The following SNX13 variants were observed in gnomAD, a reference collection of about 807,000 sequenced individuals.
SNX13 encodes the protein sorting nexin-13.
SNX13 carries 45 observed loss-of-function variants against 133.6 expected under a neutral mutation model. The ratio of observed to expected loss-of-function variants is 0.34; its 90% CI spans 0.27 to 0.43. The LOEUF (loss-of-function observed/expected upper bound fraction) is 0.43, where lower values mean the gene tolerates loss of function less well. Ranked by LOEUF, SNX13 falls within the 20% of genes least tolerant of loss-of-function variation. The probability of loss-of-function intolerance (pLI) is 1.00; values close to 1 mark genes in which losing one functional copy is unlikely to be tolerated. For missense variants in SNX13, 1,032 were observed against 1,145.1 expected, an observed-to-expected ratio of 0.90 and a Z score of 1.43; for synonymous variants, 414 against 373.9, an observed-to-expected ratio of 1.11 and a Z score of -1.24.
At position 17,851,063 on chromosome 7, in the gene SNX13, C is replaced by T. The variant is rs1238059659; in HGVS notation, c.838-99G>A. On this transcript the variant is annotated intron_variant, in intron 9 of 25. Coordinates refer to ENST00000428135, the MANE Select transcript of SNX13 (RefSeq NM_015132.5). The stretch of plus-strand genomic sequence containing the variant: ...TACTATGTGCTAGGACAATTTGCTA[C>T]ATACTCAGTGCTTACAACAAAAAGA... 13 of 1,238,082 alleles carry T rather than the reference C, an allele frequency of 1.1e-5. 1 individual carries two copies. In the East Asian group the frequency reaches 3.1e-4, roughly 30 times the overall value. The allele number at this position is 1,238,082 out of a possible 1,614,324, so 76.7% of individuals were successfully genotyped here.
intron 1 of SNX13, among the ~76,000 whole-genome samples, chr7:17,916,751 C>A (rs947057341): frequency 1.3e-5 from 2 of 151,452 alleles, no homozygotes; most frequent in East Asian, 1.9e-4. Flanking sequence ...GAGTTAGTAA[C>A]AATCCTACTG....
At chr7:17,805,726 T>C (rs1275871569) in intron 20 of SNX13, among the ~76,000 whole-genome samples, 9 of 152,198 alleles carry the variant, frequency 5.9e-5, no homozygotes, top group East Asian at 3.8e-4. Context: ...TATACTACCA[T>C]TGATACTCTA....
intron 9 of SNX13, among the ~76,000 whole-genome samples, chr7:17,861,041 G>C (rs750869177): frequency 4.6e-5 from 7 of 151,692 alleles, no homozygotes; most frequent in African/African-American, 1.7e-4. Context: ...TTTGTGATGG[G>C]GTCTTGCTCT....
intron 9 of SNX13, among the ~76,000 whole-genome samples, chr7:17,864,842 GAGGAGC>G (rs1462335983): frequency 6.6e-6 from 1 of 151,816 alleles, no homozygotes; most frequent in Non-Finnish European, 1.5e-5. Context: ...GGAGGAGGAG[GAGGAGC>G]AGCAGCAGCA....
chr7:17,796,939 T>C lies in SNX13; in HGVS notation c.2514A>G (p.Arg838=), dbSNP rs61737508. 5.7e-6 allele frequency: 9 copies of C among 1,591,600 alleles called. No homozygotes were observed. In the African/African-American group the frequency reaches 1.2e-4, roughly 21 times the overall value. The stretch of plus-strand genomic sequence containing the variant: ...AAATGCCATTTGGCCAAAATGCATC[T>C]CTATTTGAGAAGATTAAATACATTT... ...EQVADSVKRF[R]DAFWPNGILA... is the part of the protein sequence containing the mutation. The change falls in exon 25 of 26, where the codon AGA becomes AGG. Residue 838 remains arginine (R), a splice_region_variant and synonymous_variant. Transcript: ENST00000428135.
chr7:17,917,779 CAG>C (rs1417234785), intron 1 of SNX13, among the ~76,000 whole-genome samples: 4 of 152,086 alleles, frequency 2.6e-5, no homozygotes, highest in African/African-American at 4.8e-5. Flanking sequence ...TCATTTTTCA[CAG>C]AGTTAGAAGA....
chr7:17,855,941 T>C (rs1055977086), intron 9 of SNX13, among the ~76,000 whole-genome samples: 1 of 152,208 alleles, frequency 6.6e-6, no homozygotes, highest in African/African-American at 2.4e-5. Context: ...TAGAAATGAC[T>C]CATTATTCTA....
intron 17 of SNX13, among the ~76,000 whole-genome samples, chr7:17,825,193 C>G (rs2691594): frequency 0.61 from 93,135 of 151,816 alleles, 30,017 homozygotes; most frequent in African/African-American, 0.81. Context: ...GTTCCAGTGA[C>G]AAGAAAAAGG....
At chr7:17,805,931 C>T (rs1164309145) in intron 20 of SNX13, among the ~76,000 whole-genome samples, 2 of 151,976 alleles carry the variant, frequency 1.3e-5, no homozygotes, top group Non-Finnish European at 2.9e-5. Context: ...ATGAAAGAGG[C>T]AGAATTTCAT....
intron 1 of SNX13, among the ~76,000 whole-genome samples, chr7:17,926,706 G>C (rs1003950131): frequency 6.6e-6 from 1 of 152,076 alleles, no homozygotes. Context: ...AAGCAACATG[G>C]TGAAACCCCA....
intron 1 of SNX13, among the ~76,000 whole-genome samples, chr7:17,919,260 A>C (rs1303989625): frequency 1.3e-5 from 2 of 152,200 alleles, no homozygotes; most frequent in Admixed American, 6.5e-5. Flanking sequence ...AAAAACAAAA[A>C]TAGTTGGTCC....
intron 1 of SNX13, among the ~76,000 whole-genome samples, chr7:17,926,774 T>C (rs992140445): frequency 3.9e-5 from 6 of 152,080 alleles, no homozygotes; most frequent in Admixed American, 1.3e-4. Context: ...TAGTCCCAGC[T>C]ACTTGGGGGG....
At chr7:17,838,708 T>C (rs1789466729) in intron 13 of SNX13, among the ~76,000 whole-genome samples, 1 of 151,880 alleles carries the variant, frequency 6.6e-6, no homozygotes, top group African/African-American at 2.4e-5. Context: ...TCTTGTTGAC[T>C]CAGAGGCTAT....
intron 5 of SNX13, among the ~76,000 whole-genome samples, chr7:17,879,256 T>C (rs1795079166): frequency 6.6e-6 from 1 of 152,228 alleles, no homozygotes; most frequent in Non-Finnish European, 1.5e-5. Flanking sequence ...TGGAATGCCA[T>C]GACTCTTCAC....
intron 1 of SNX13, among the ~76,000 whole-genome samples, chr7:17,921,415 CT>C (rs1475209960): frequency 6.6e-6 from 1 of 152,176 alleles, no homozygotes; most frequent in Non-Finnish European, 1.5e-5. Context: ...TAAACTTTCC[CT>C]CTAGGATCAC....
intron 1 of SNX13, among the ~76,000 whole-genome samples, chr7:17,906,580 T>G (rs780011143): frequency 6.6e-6 from 1 of 152,146 alleles, no homozygotes; most frequent in Non-Finnish European, 1.5e-5. Context: ...ACTCCTTAAC[T>G]TCCTCTCATA....
chr7:17,911,005 G>A (rs948877549), intron 1 of SNX13, among the ~76,000 whole-genome samples: 17 of 152,100 alleles, frequency 1.1e-4, no homozygotes, highest in African/African-American at 4.1e-4. Flanking sequence ...CAATACCAAT[G>A]AATCACTCAT....
intron 1 of SNX13, among the ~76,000 whole-genome samples, chr7:17,925,552 A>G (rs568830997): frequency 2.6e-5 from 4 of 152,348 alleles, no homozygotes; most frequent in African/African-American, 9.6e-5. Flanking sequence ...AACAAAATAA[A>G]AGCAATTCTA....
intron 5 of SNX13, chr7:17,888,930 C>T (rs1318391139): frequency 7.2e-6 from 2 of 277,458 alleles, no homozygotes; most frequent in African/African-American, 2.3e-5. Flanking sequence ...TTTCAGATTA[C>T]TAGTTCAAAT....
Sources: gnomAD v4.1 joint callset for allele counts (sites outside exome capture counted in the v4.1 genomes callset) on GRCh38, gnomAD v4.1.1 for gene constraint, MANE v1.5 for transcripts, NCBI Gene and HGNC (gene_info 2026-07-23, HGNC 2026-07-21) for gene names.